Variants in ZNF846 observed in about 807,000 individuals in gnomAD.
ZNF846 encodes zinc finger protein 420 pseudogene.
In ZNF846, 15 loss-of-function variants were observed where a neutral mutation model predicts 16.0. That is an observed-to-expected ratio of 0.94 (90% CI 0.63 to 1.45). ZNF846 has a LOEUF of 1.45. ZNF846 is among the 40% of genes most tolerant of loss of function. ZNF846 has a pLI of 0.00. For synonymous variants in ZNF846, 229 were observed against 212.0 expected (o/e 1.08, Z -0.70); for missense variants, 714 against 622.3 (o/e 1.15, Z -1.57).
At chr19:9,753,544 G>A (rs187023088), downstream of ZNF846, among the ~76,000 whole-genome samples, 40 of 151,084 alleles carry the variant, frequency 2.6e-4, no homozygotes, top group East Asian at 6.2e-3. Flanking sequence ...GTGAGCCACC[G>A]TGCCCAGCCT....
chr19:9,758,724 T>C (rs376309466), exon 6 of ZNF846: 1 of 1,599,220 alleles, frequency 6.3e-7, no homozygotes, highest in African/African-American at 1.4e-5. Context: ...TTTTCCAGAA[T>C]GGTTAGAGTC....
chr19:9,763,071 G>GA (rs2045255510), intron 3 of ZNF846, among the ~76,000 whole-genome samples: 2 of 151,992 alleles, frequency 1.3e-5, no homozygotes, highest in South Asian at 4.2e-4. Flanking sequence ...TTGAATCCAG[G>GA]AGGGGGGGCT....
intron 1 of ZNF846, among the ~76,000 whole-genome samples, chr19:9,766,000 C>T (rs2045309811): frequency 6.6e-6 from 1 of 152,128 alleles, no homozygotes; most frequent in South Asian, 2.1e-4. Context: ...TTGACTTTGC[C>T]TAGCAACTAT....
At chr19:9,764,044 A>G (rs1488284838) in intron 2 of ZNF846, among the ~76,000 whole-genome samples, 5 of 152,228 alleles carry the variant, frequency 3.3e-5, no homozygotes, top group African/African-American at 1.2e-4. Flanking sequence ...ATGGACGTGC[A>G]GTCAGGGAGG....
upstream of ZNF846, chr19:9,768,716 G>A (rs1482418332): frequency 6.6e-6 from 1 of 152,416 alleles, no homozygotes; most frequent in Non-Finnish European, 1.5e-5. Flanking sequence ...CTAGGAAGCT[G>A]CTGGAGAGCG....
chr19:9,756,386 A>ATATAT (rs1310666218), downstream of ZNF846: 9 of 83,664 alleles, frequency 1.1e-4, no homozygotes, highest in African/African-American at 4.3e-4. Flanking sequence ...TATATATATA[A>ATATAT]AGACATTCCC....
At chr19:9,758,447 C>G (rs1323909262) in exon 6 of ZNF846, 1 of 1,613,262 alleles carries the variant, frequency 6.2e-7, no homozygotes, top group African/African-American at 1.3e-5. Context: ...TAAGGGATGA[C>G]TGATTAAGAA....
chr19:9,782,025 C>G (rs2045507111), intron 1 of ZNF846, among the ~76,000 whole-genome samples: 1 of 152,110 alleles, frequency 6.6e-6, no homozygotes. Flanking sequence ...GATCCACCCA[C>G]CTCAGCCTCC....
exon 6 of ZNF846, chr19:9,758,683 G>A (rs2045174710): frequency 6.2e-7 from 1 of 1,611,754 alleles, no homozygotes; most frequent in Admixed American, 1.7e-5. Flanking sequence ...GTTATCATGT[G>A]AGTCATAAGA....
chr19:9,777,539 C>T (rs2145308463), intron 1 of ZNF846, among the ~76,000 whole-genome samples: 1 of 151,980 alleles, frequency 6.6e-6, no homozygotes, highest in South Asian at 2.1e-4. Flanking sequence ...GGCGTGGTGG[C>T]ATGTGCCTGT....
At chr19:9,765,795 G>C (rs144042895) in intron 1 of ZNF846, among the ~76,000 whole-genome samples, 237 of 151,858 alleles carry the variant, frequency 1.6e-3, no homozygotes, top group Middle Eastern at 3.4e-3. Flanking sequence ...AATTGTCCAG[G>C]GGGTGGCTCA....
downstream of ZNF846, chr19:9,756,341 GTGTGTATATATATATATA>G (rs1568319880): frequency 1.5e-5 from 1 of 64,734 alleles, no homozygotes; most frequent in African/African-American, 8.9e-5. Flanking sequence ...GTGTGTGTGT[GTGTGTATATATATATATA>G]TATATATATA....
intron 1 of ZNF846, among the ~76,000 whole-genome samples, chr19:9,781,708 C>T (rs1254687718): frequency 2.6e-5 from 4 of 151,422 alleles, no homozygotes; most frequent in Non-Finnish European, 5.9e-5. Context: ...AAAACAAAAA[C>T]AAAACCCTTT....
chr19:9,775,038 CTG>C (rs2045424661), intron 1 of ZNF846: 2 of 1,330,774 alleles, frequency 1.5e-6, no homozygotes, highest in South Asian at 1.3e-5. Context: ...AAGCAGGACT[CTG>C]TGGAAATTGA....
In ZNF846 at chr19:9,758,371, T is replaced by C. The variant is rs778229213; in HGVS notation, c.706A>G (p.Ser236Gly). Residue 236 changes from serine to glycine, a missense_variant, in exon 6 of 6, where the codon AGT (serine) becomes GGT (glycine). Transcript: ENST00000397902. Reference sequence around the variant, plus strand: ...TGTCCTATAAGGTGTGAGGAATTACTGAAGGCTTTCCCACATTCCTTACAT... The same window carrying C: ...TGTCCTATAAGGTGTGAGGAATTACCGAAGGCTTTCCCACATTCCTTACAT... 5.0e-6 allele frequency: 8 copies of C among 1,613,304 alleles called. No homozygotes were observed. In the East Asian group the frequency reaches 8.9e-5, roughly 18 times the overall value.
downstream of ZNF846, chr19:9,756,319 GCA>G (rs2045133849): frequency 3.9e-5 from 5 of 129,548 alleles, no homozygotes; most frequent in Non-Finnish European, 3.2e-5. Context: ...ATGTGTGTGT[GCA>G]TATATATGTG....
At chr19:9,775,323 T>G (rs1348572218) in intron 1 of ZNF846, among the ~76,000 whole-genome samples, 1 of 151,640 alleles carries the variant, frequency 6.6e-6, no homozygotes, top group African/African-American at 2.4e-5. Flanking sequence ...CCAAGAAAAC[T>G]CTGAAAAACA....
At chr19:9,759,730 T>C (rs534407728) in intron 5 of ZNF846, 130 bp downstream of exon 5, 6 of 621,198 alleles carry the variant, frequency 9.7e-6, no homozygotes, top group Non-Finnish European at 1.7e-5. Context: ...GTGCTTCCCA[T>C]ATTCATGATA....
At chr19:9,767,857 C>T (rs115962140) in intron 1 of ZNF846, among the ~76,000 whole-genome samples, 1 of 152,024 alleles carries the variant, frequency 6.6e-6, no homozygotes, top group African/African-American at 2.4e-5. Context: ...TCGCTTGGAC[C>T]GGGAGACAGA....
Sources: allele counts gnomAD v4.1 joint callset (sites outside exome capture counted in the v4.1 genomes callset), GRCh38; gene constraint gnomAD v4.1.1; transcripts MANE v1.5; gene names NCBI Gene and HGNC (gene_info 2026-07-23, HGNC 2026-07-21).